The following SLC25A16 variants were observed in gnomAD, a reference collection of about 807,000 sequenced individuals.
SLC25A16 encodes the protein mitochondrial coenzyme A transporter SLC25A16.
SLC25A16 carries 39 observed loss-of-function variants against 41.5 expected under a neutral mutation model. The observed-to-expected ratio is 0.94, with a 90% CI of 0.73 to 1.23. The LOEUF (loss-of-function observed/expected upper bound fraction) is 1.23. SLC25A16 is among the 50% of genes most tolerant of loss of function. The pLI is 0.00. For synonymous variants in SLC25A16, 146 were observed against 147.8 expected (o/e 0.99, Z 0.09); for missense variants, 421 against 426.9 (o/e 0.99, Z 0.12).
In SLC25A16 at chr10:68,518,773, C is replaced by CA. The variant is rs201540565; in HGVS notation, c.131-1931dup. On this transcript the variant is annotated intron_variant, in intron 1 of 8. Transcript: ENST00000609923. ...CGAGCAACAGAGCAGGTCTCGGTCT[C>CA]AAAAAAACAAATAAAATAAATAAAT... Among the ~76,000 whole-genome samples, 530 of 145,720 alleles carry CA rather than the reference C, an allele frequency of 3.6e-3. 4 individuals carry two copies. Among genetic ancestry groups the CA allele is most frequent in the African/African-American group, 0.013 (499 of 38,274 alleles).
chr10:68,511,257 A>G (rs999334289), intron 2 of SLC25A16, among the ~76,000 whole-genome samples: 3 of 152,178 alleles, frequency 2.0e-5, no homozygotes, highest in African/African-American at 7.2e-5. Flanking sequence ...AGAAAAATTA[A>G]ATTAAATTAA....
intron 1 of SLC25A16, among the ~76,000 whole-genome samples, chr10:68,520,704 C>T (rs192705464): frequency 2.0e-3 from 306 of 150,806 alleles, no homozygotes; most frequent in Non-Finnish European, 3.6e-3. Context: ...CCCAGCTACA[C>T]GGGAGGCTGA....
chr10:68,510,672 C>T (rs1260159744), intron 2 of SLC25A16, among the ~76,000 whole-genome samples: 1 of 151,486 alleles, frequency 6.6e-6, no homozygotes. Flanking sequence ...AACTCCATCT[C>T]TACTAAAAAT....
At chr10:68,504,830 G>A (rs961151300) in intron 3 of SLC25A16, among the ~76,000 whole-genome samples, 4 of 152,004 alleles carry the variant, frequency 2.6e-5, no homozygotes, top group African/African-American at 7.2e-5. Context: ...ATAGGCATGC[G>A]CCACCACATC....
chr10:68,500,034 T>C, intron 4 of SLC25A16: 1 of 313,398 alleles, frequency 3.2e-6, no homozygotes, highest in Non-Finnish European at 6.2e-6. Flanking sequence ...AACCTTGATC[T>C]CAATCTTTAG....
intron 4 of SLC25A16, among the ~76,000 whole-genome samples, chr10:68,495,760 C>G (rs1440462888): frequency 9.0e-6 from 1 of 110,660 alleles, no homozygotes; most frequent in Non-Finnish European, 1.7e-5. Context: ...CCAGTCTGGG[C>G]AACAGAGTTA....
chr10:68,485,797 TA>T (rs1413229657), intron 8 of SLC25A16, among the ~76,000 whole-genome samples: 9 of 140,914 alleles, frequency 6.4e-5, no homozygotes, highest in Non-Finnish European at 7.6e-5. Context: ...TCCTAAGCAA[TA>T]TTTTTTTTTT....
At chr10:68,510,863 G>A (rs545714753) in intron 2 of SLC25A16, among the ~76,000 whole-genome samples, 9 of 151,994 alleles carry the variant, frequency 5.9e-5, no homozygotes, top group South Asian at 2.1e-4. Flanking sequence ...AAAATTTTTC[G>A]AAAAGAGCAA....
At chr10:68,512,928 A>T (rs1486481463) in intron 2 of SLC25A16, among the ~76,000 whole-genome samples, 1 of 152,088 alleles carries the variant, frequency 6.6e-6, no homozygotes, top group Non-Finnish European at 1.5e-5. Flanking sequence ...AATCCCAGCC[A>T]CTAGGGAGGC....
At chr10:68,493,054 T>C in intron 6 of SLC25A16, 78 bp downstream of exon 6, 1 of 801,092 alleles carries the variant, frequency 1.2e-6, no homozygotes. Context: ...TCTTTTTATA[T>C]TACCATTTCA....
chr10:68,499,281 G>A (rs1256657695), intron 4 of SLC25A16, among the ~76,000 whole-genome samples: 3 of 152,204 alleles, frequency 2.0e-5, no homozygotes, highest in Admixed American at 6.5e-5. Flanking sequence ...CCAAGCTTTG[G>A]ACCGGAACAG....
chr10:68,519,352 T>C (rs2053213436), intron 1 of SLC25A16, among the ~76,000 whole-genome samples: 2 of 151,486 alleles, frequency 1.3e-5, no homozygotes, highest in African/African-American at 4.9e-5. Flanking sequence ...CCAGGTGTGG[T>C]AGCGGACACC....
intron 6 of SLC25A16, among the ~76,000 whole-genome samples, chr10:68,488,900 TTTTCCAAGGTTTCACA>T (rs1339202168): frequency 6.6e-6 from 1 of 152,062 alleles, no homozygotes; most frequent in Admixed American, 6.6e-5. Context: ...AAAAACAAAG[TTTTCCAAGGTTTCACA>T]TGAGAAAAAT....
At chr10:68,484,278 T>C (rs751448418) in intron 8 of SLC25A16, among the ~76,000 whole-genome samples, 2 of 152,190 alleles carry the variant, frequency 1.3e-5, no homozygotes, top group Non-Finnish European at 2.9e-5. Flanking sequence ...CAGGTGGTTA[T>C]AGAACTAAAG....
At chr10:68,508,050 G>T (rs2052987275) in intron 2 of SLC25A16, among the ~76,000 whole-genome samples, 1 of 152,020 alleles carries the variant, frequency 6.6e-6, no homozygotes, top group African/African-American at 2.4e-5. Flanking sequence ...GGGCAATATG[G>T]TGAAACCCTG....
chr10:68,522,375 T>A (rs2941106), intron 1 of SLC25A16, among the ~76,000 whole-genome samples: 27,986 of 151,568 alleles, frequency 0.18, 3,003 homozygotes, highest in South Asian at 0.33. Context: ...GAGGAGAGGA[T>A]TGTCAAAGAA....
chr10:68,499,668 C>A, intron 4 of SLC25A16: 1 of 359,930 alleles, frequency 2.8e-6, no homozygotes. Flanking sequence ...AATGTGTGAT[C>A]CATGCCCATC....
chr10:68,516,877 C>A (rs371880621), intron 1 of SLC25A16, 34 bp from the exon 2 acceptor site: 9 of 1,452,968 alleles, frequency 6.2e-6, no homozygotes, highest in Middle Eastern at 1.7e-4. Flanking sequence ...GAAGAAATTG[C>A]GTACCATTTC....
rs2052506374 is a variant in SLC25A16 at position 68,483,262 on chromosome 10, G to A, written c.*170C>T. On this transcript the variant is annotated 3_prime_UTR_variant, in exon 9 of 9. Coordinates refer to ENST00000609923, the MANE Select transcript of SLC25A16 (RefSeq NM_152707.4). ...ATAATGTTTGGCATCAAAAAGTATG[G>A]TAAGCAGTTCTGATTTGTGACTAAA... 4 of 525,902 alleles carry A rather than the reference G, an allele frequency of 7.6e-6. No homozygotes were observed. The highest frequency in any genetic ancestry group is 1.3e-5 in the Non-Finnish European group (4 of 298,870). 32.6% of individuals were successfully genotyped at this position (525,902 alleles called of 1,614,324 possible).
Sources: gnomAD v4.1 joint callset for allele counts (sites outside exome capture counted in the v4.1 genomes callset) on GRCh38, gnomAD v4.1.1 for gene constraint, MANE v1.5 for transcripts, NCBI Gene and HGNC (gene_info 2026-07-23, HGNC 2026-07-21) for gene names.